SEMA3C: variants seen among roughly 807,000 people sequenced by gnomAD.
SEMA3C encodes semaphorin 3C, also known as semaphorin-3C.
Under a neutral mutation model 89.4 loss-of-function variants are expected in SEMA3C, and 47 were observed. That is an observed-to-expected ratio of 0.53 (90% CI 0.42 to 0.67). The LOEUF (loss-of-function observed/expected upper bound fraction) is 0.67, where lower values mean the gene tolerates loss of function less well. Ranked by LOEUF, SEMA3C falls within the 30% of genes least tolerant of loss-of-function variation. The probability of loss-of-function intolerance (pLI) is 0.00; values close to 1 mark genes in which losing one functional copy is unlikely to be tolerated. For synonymous variants in SEMA3C, 310 were observed against 320.2 expected (o/e 0.97, Z 0.34); for missense variants, 839 against 929.1 (o/e 0.90, Z 1.26).
At chr7:80,852,200 G>T (rs1333761791) in intron 2 of SEMA3C, among the ~76,000 whole-genome samples, 4 of 152,150 alleles carry the variant, frequency 2.6e-5, no homozygotes, top group African/African-American at 9.7e-5. Flanking sequence ...GTATCTGACA[G>T]AAATCCCTAT....
chr7:80,886,243 G>C (rs987484373), intron 2 of SEMA3C, among the ~76,000 whole-genome samples: 2 of 151,552 alleles, frequency 1.3e-5, no homozygotes, highest in Admixed American at 1.3e-4. Flanking sequence ...TGCTAATGTG[G>C]TTATGACATG....
chr7:80,857,609 T>C (rs2115970759), intron 2 of SEMA3C, among the ~76,000 whole-genome samples: 1 of 152,302 alleles, frequency 6.6e-6, no homozygotes, highest in Non-Finnish European at 1.5e-5. Context: ...AAAAATACTT[T>C]GTAAAAAATT....
intron 2 of SEMA3C, among the ~76,000 whole-genome samples, chr7:80,909,267 A>ATCAACAT (rs770680266): frequency 6.6e-6 from 1 of 152,170 alleles, no homozygotes; most frequent in African/African-American, 2.4e-5. Context: ...TTTCTGCTGG[A>ATCAACAT]TCAACATTCT....
In SEMA3C at chr7:80,744,620, T is replaced by C. The variant is rs1012927643; in HGVS notation, c.*274A>G. 41 of 431,172 alleles carry C rather than the reference T, an allele frequency of 9.5e-5. No individual in the cohort carries two copies. Among genetic ancestry groups the C allele is most frequent in the Non-Finnish European group, 1.4e-4 (34 of 240,574 alleles). The allele number at this position is 431,172 out of a possible 1,614,324, so 26.7% of individuals were successfully genotyped here. A position where few individuals can be genotyped will look rare whatever the true frequency, so the allele number is the denominator to read the frequency against. On this transcript the variant is annotated 3_prime_UTR_variant, in exon 18 of 18. Coordinates refer to ENST00000265361, the MANE Select transcript of SEMA3C (RefSeq NM_006379.5). ...AACAATTCTAGTTTTGCAGCCACCA[T>C]ATCGATTTTGAAGAAAAGGTGAATA...
intron 11 of SEMA3C, among the ~76,000 whole-genome samples, chr7:80,792,772 G>C (rs1454232053): frequency 2.1e-4 from 32 of 151,978 alleles, no homozygotes. Context: ...AATTCTTTTT[G>C]ATAATAATTA....
chr7:80,850,188 TATA>T (rs1441180480), intron 2 of SEMA3C, among the ~76,000 whole-genome samples: 3 of 152,164 alleles, frequency 2.0e-5, no homozygotes, highest in Non-Finnish European at 4.4e-5. Flanking sequence ...AGAATTATCA[TATA>T]CTTTTGGAAG....
intron 2 of SEMA3C, among the ~76,000 whole-genome samples, chr7:80,903,334 A>C (rs973445566): frequency 6.6e-6 from 1 of 152,160 alleles, no homozygotes; most frequent in African/African-American, 2.4e-5. Context: ...AACATATCTA[A>C]ACATAGAAAA....
intron 2 of SEMA3C, among the ~76,000 whole-genome samples, chr7:80,833,351 A>G (rs537392460): frequency 6.6e-6 from 1 of 152,102 alleles, no homozygotes; most frequent in African/African-American, 2.4e-5. Flanking sequence ...GACAGCCTCA[A>G]TTCTCCTGCA....
intron 2 of SEMA3C, among the ~76,000 whole-genome samples, chr7:80,866,904 A>G (rs1379945420): frequency 1.3e-5 from 2 of 152,224 alleles, no homozygotes; most frequent in Non-Finnish European, 2.9e-5. Context: ...TTCTGACTAC[A>G]TGTGCGTACA....
intron 12 of SEMA3C, among the ~76,000 whole-genome samples, chr7:80,775,164 T>C (rs1788518931): frequency 6.6e-6 from 1 of 150,828 alleles, no homozygotes; most frequent in Admixed American, 6.6e-5. Context: ...ATGGAAATTT[T>C]GTTGCCTGCA....
intron 4 of SEMA3C, among the ~76,000 whole-genome samples, chr7:80,818,941 A>G (rs1789678820): frequency 6.6e-6 from 1 of 152,198 alleles, no homozygotes; most frequent in African/African-American, 2.4e-5. Context: ...GTCAACAAAC[A>G]TTTACTGATT....
At chr7:80,782,286 C>T (rs1788708316) in intron 12 of SEMA3C, among the ~76,000 whole-genome samples, 2 of 152,158 alleles carry the variant, frequency 1.3e-5, no homozygotes, top group Admixed American at 6.5e-5. Flanking sequence ...AGGTGCAGTT[C>T]GTCCAAGTCT....
intron 2 of SEMA3C, among the ~76,000 whole-genome samples, chr7:80,893,940 G>C (rs576039266): frequency 6.6e-6 from 1 of 152,284 alleles, no homozygotes; most frequent in East Asian, 1.9e-4. Context: ...TATCATGAAT[G>C]AAAGGTAACT....
chr7:80,863,713 TATCACA>T (rs1470882533), intron 2 of SEMA3C, among the ~76,000 whole-genome samples: 39 of 148,872 alleles, frequency 2.6e-4, no homozygotes, highest in Non-Finnish European at 5.0e-4. Flanking sequence ...GTGATATATA[TATCACA>T]GATATATATA....
At chr7:80,869,284 G>GT (rs1562915458) in intron 2 of SEMA3C, among the ~76,000 whole-genome samples, 1 of 152,138 alleles carries the variant, frequency 6.6e-6, no homozygotes, top group East Asian at 1.9e-4. Context: ...TAATGAAAAC[G>GT]TGTTTGTTAG....
intron 2 of SEMA3C, among the ~76,000 whole-genome samples, chr7:80,845,412 A>T (rs1441214482): frequency 6.6e-6 from 1 of 151,970 alleles, no homozygotes; most frequent in Non-Finnish European, 1.5e-5. Flanking sequence ...TCAAGGAGAG[A>T]GACAGCATAC....
At chr7:80,763,239 A>G (rs1345080482) in intron 13 of SEMA3C, among the ~76,000 whole-genome samples, 1 of 152,264 alleles carries the variant, frequency 6.6e-6, no homozygotes, top group Admixed American at 6.5e-5. Context: ...TTTCTGCAGT[A>G]CATCAGTGTG....
At position 80,802,786 on chromosome 7, in the gene SEMA3C, C is replaced by G. The variant is rs574286305; in HGVS notation, c.802-7G>C. 1 of 1,599,562 alleles carries G rather than the reference C, an allele frequency of 6.3e-7. No individual in the cohort carries two copies. The highest frequency in any genetic ancestry group is 8.6e-7 in the Non-Finnish European group (1 of 1,167,660). ...GCAGTCCACCAGTGTCATTCTAAAACCATTTTGTAAACATAATTCAGATTG... is the reference window on the plus strand; with the variant it reads ...GCAGTCCACCAGTGTCATTCTAAAAGCATTTTGTAAACATAATTCAGATTG... On this transcript the variant is annotated splice_polypyrimidine_tract_variant and splice_region_variant and intron_variant, in intron 8 of 17. Transcript: ENST00000265361.
At chr7:80,892,124 T>C (rs1458639616) in intron 2 of SEMA3C, among the ~76,000 whole-genome samples, 3 of 152,210 alleles carry the variant, frequency 2.0e-5, no homozygotes, top group African/African-American at 7.2e-5. Flanking sequence ...CTTTGCATAA[T>C]GGTAGAATTG....
Sources: gnomAD v4.1 joint callset for allele counts (sites outside exome capture counted in the v4.1 genomes callset) on GRCh38, gnomAD v4.1.1 for gene constraint, MANE v1.5 for transcripts, NCBI Gene and HGNC (gene_info 2026-07-23, HGNC 2026-07-21) for gene names.